The following CDH13 variants were observed in gnomAD, a reference collection of about 807,000 sequenced individuals.
CDH13 encodes cadherin-13.
Under a neutral mutation model 63.8 loss-of-function variants are expected in CDH13, and 24 were observed. The ratio of observed to expected loss-of-function variants is 0.38; its 90% CI spans 0.27 to 0.53. The LOEUF (loss-of-function observed/expected upper bound fraction) is 0.53. Among genes scored for constraint, CDH13 ranks in the 20% least tolerant of loss-of-function variants. The pLI is 0.85. For missense variants in CDH13, 1,049 were observed against 903.1 expected (o/e 1.16, Z -2.07); for synonymous variants, 503 against 355.3 (o/e 1.42, Z -4.67).
chr16:83,014,590 G>A (rs117951382), intron 2 of CDH13, among the ~76,000 whole-genome samples: 4,594 of 150,452 alleles, frequency 0.031, 102 homozygotes, highest in Non-Finnish European at 0.045. Context: ...AAAATTAGCC[G>A]AGTGGTGGCC....
chr16:82,992,864 G>T (rs888117370), intron 2 of CDH13, among the ~76,000 whole-genome samples: 1 of 152,102 alleles, frequency 6.6e-6, no homozygotes, highest in Non-Finnish European at 1.5e-5. Flanking sequence ...CAAATTATTG[G>T]TAAAAATGAA....
chr16:83,646,228 C>G (rs967140013), intron 8 of CDH13, among the ~76,000 whole-genome samples: 15 of 152,226 alleles, frequency 9.9e-5, no homozygotes, highest in African/African-American at 3.4e-4. Context: ...TTGTACTTCT[C>G]TGTGCCTCAG....
chr16:82,918,606 T>A (rs930139768), intron 2 of CDH13, among the ~76,000 whole-genome samples: 2 of 151,532 alleles, frequency 1.3e-5, no homozygotes, highest in African/African-American at 4.9e-5. Flanking sequence ...CCTCCCAGGT[T>A]CAAGCGCTCC....
chr16:83,007,787 G>T (rs1275118451), intron 2 of CDH13, among the ~76,000 whole-genome samples: 1 of 150,144 alleles, frequency 6.7e-6, no homozygotes, highest in Non-Finnish European at 1.5e-5. Flanking sequence ...TCACACCACT[G>T]CACTCTAGTC....
chr16:83,091,160 T>C (rs548364657), intron 3 of CDH13, among the ~76,000 whole-genome samples: 1 of 152,276 alleles, frequency 6.6e-6, no homozygotes, highest in South Asian at 2.1e-4. Context: ...AGTGATCTCC[T>C]TCTTCCTTTC....
intron 10 of CDH13, among the ~76,000 whole-genome samples, chr16:83,706,797 T>C (rs1330773353): frequency 6.6e-6 from 1 of 152,196 alleles, no homozygotes; most frequent in African/African-American, 2.4e-5. Context: ...GTTCCTGGGA[T>C]GAATGGATGA....
At chr16:83,538,513 A>G (rs1448685464) in intron 7 of CDH13, among the ~76,000 whole-genome samples, 2 of 152,256 alleles carry the variant, frequency 1.3e-5, no homozygotes, top group Non-Finnish European at 2.9e-5. Flanking sequence ...TACTCAAAAT[A>G]TAGAGTGAAA....
At chr16:83,423,346 G>C (rs985738142) in intron 6 of CDH13, among the ~76,000 whole-genome samples, 11 of 151,948 alleles carry the variant, frequency 7.2e-5, no homozygotes, top group Non-Finnish European at 1.5e-5. Flanking sequence ...ATTCAAAGAA[G>C]AAAAAAAGCC....
chr16:83,512,859 T>A (rs1424063916), intron 7 of CDH13, among the ~76,000 whole-genome samples: 1 of 151,994 alleles, frequency 6.6e-6, no homozygotes, highest in African/African-American at 2.4e-5. Flanking sequence ...TTTGGAACCC[T>A]GGGAGGTGGC....
At chr16:83,307,233 A>G (rs1567579669) in intron 5 of CDH13, among the ~76,000 whole-genome samples, 1 of 152,136 alleles carries the variant, frequency 6.6e-6, no homozygotes, top group Non-Finnish European at 1.5e-5. Context: ...TCTGTGGGTG[A>G]TTGTGGCGAT....
At chr16:83,423,634 A>G (rs138406923) in intron 6 of CDH13, among the ~76,000 whole-genome samples, 2,425 of 152,330 alleles carry the variant, frequency 0.016, 30 homozygotes, top group Non-Finnish European at 0.025. Context: ...GGGGTTGTAA[A>G]TACTCCCAGA....
At chr16:82,950,453 G>A (rs907334206) in intron 2 of CDH13, among the ~76,000 whole-genome samples, 4 of 152,092 alleles carry the variant, frequency 2.6e-5, no homozygotes, top group Non-Finnish European at 4.4e-5. Flanking sequence ...GAATCATGGG[G>A]GTGGTTTCTA....
intron 1 of CDH13, among the ~76,000 whole-genome samples, chr16:82,827,335 G>A (rs1029290431): frequency 1.3e-5 from 2 of 152,102 alleles, no homozygotes; most frequent in African/African-American, 2.4e-5. Context: ...TTAGGTACTG[G>A]ATCTAGAGGC....
intron 2 of CDH13, among the ~76,000 whole-genome samples, chr16:83,029,566 G>A (rs1404158176): frequency 6.6e-6 from 1 of 152,196 alleles, no homozygotes; most frequent in East Asian, 1.9e-4. Flanking sequence ...ACAACTCACA[G>A]CCACATGATG....
intron 7 of CDH13, among the ~76,000 whole-genome samples, chr16:83,504,186 C>T (rs1302857915): frequency 6.6e-6 from 1 of 152,118 alleles, no homozygotes; most frequent in African/African-American, 2.4e-5. Flanking sequence ...AAGGGTAAGG[C>T]TTGGTGAGTG....
intron 7 of CDH13, among the ~76,000 whole-genome samples, chr16:83,589,285 C>CCCT (rs1555579653): frequency 1.6e-5 from 2 of 128,144 alleles, no homozygotes; most frequent in Non-Finnish European, 3.4e-5. Flanking sequence ...CTTTCCCCCC[C>CCCT]CCGGACCCCT....
At chr16:82,673,815 C>G (rs1008435789) in intron 1 of CDH13, among the ~76,000 whole-genome samples, 1 of 152,154 alleles carries the variant, frequency 6.6e-6, no homozygotes, top group Non-Finnish European at 1.5e-5. Flanking sequence ...ACAAGCTCAT[C>G]CATGTGGAAG....
At chr16:83,475,970 G>A (rs986074256) in intron 6 of CDH13, among the ~76,000 whole-genome samples, 1 of 152,118 alleles carries the variant, frequency 6.6e-6, no homozygotes, top group Non-Finnish European at 1.5e-5. Context: ...CCATTGTTCA[G>A]AATTAACCCA....
chr16:83,051,091 T>G (rs1289268962), intron 3 of CDH13, among the ~76,000 whole-genome samples: 2 of 152,210 alleles, frequency 1.3e-5, no homozygotes, highest in Non-Finnish European at 2.9e-5. Flanking sequence ...CCAATCTGCG[T>G]GCCTGTTACT....
Sources: allele counts gnomAD v4.1 joint callset (sites outside exome capture counted in the v4.1 genomes callset), GRCh38; gene constraint gnomAD v4.1.1; transcripts MANE v1.5; gene names NCBI Gene and HGNC (gene_info 2026-07-23, HGNC 2026-07-21).